KIAA1671: variants seen among roughly 807,000 people sequenced by gnomAD.
KIAA1671 encodes the protein KIAA1671, also known as uncharacterized protein KIAA1671.
Under a neutral mutation model 131.2 loss-of-function variants are expected in KIAA1671, and 52 were observed. That is an observed-to-expected ratio of 0.40 (90% CI 0.32 to 0.50). The LOEUF is 0.50. KIAA1671 is among the 20% of genes least tolerant of loss of function. KIAA1671 has a pLI of 0.73. For synonymous variants in KIAA1671, 1,003 were observed against 961.6 expected (o/e 1.04, Z -0.80); for missense variants, 2,360 against 2,364.2 (o/e 1.00, Z 0.04).
chr22:25,134,376 A>ATG (rs149493847), intron 6 of KIAA1671, among the ~76,000 whole-genome samples: 108 of 150,522 alleles, frequency 7.2e-4, no homozygotes, highest in South Asian at 6.7e-3. Context: ...TGGTATTGGT[A>ATG]TGTGTGTGTG....
At chr22:25,003,810 C>T (rs1305370686) in intron 1 of KIAA1671, among the ~76,000 whole-genome samples, 1 of 151,764 alleles carries the variant, frequency 6.6e-6, no homozygotes, top group Admixed American at 6.6e-5. Flanking sequence ...CCATGTGCAT[C>T]TATATCAAAT....
At chr22:24,994,077 C>T (rs9624693) in intron 1 of KIAA1671, among the ~76,000 whole-genome samples, 46,872 of 151,540 alleles carry the variant, frequency 0.31, 7,638 homozygotes, top group African/African-American at 0.37. Flanking sequence ...ACAAAACTCC[C>T]GTCTCAGAAG....
intron 6 of KIAA1671, among the ~76,000 whole-genome samples, chr22:25,098,668 G>T (rs1930505977): frequency 6.6e-6 from 1 of 152,068 alleles, no homozygotes; most frequent in Non-Finnish European, 1.5e-5. Context: ...GATGCCAGGG[G>T]CTCTGGAAGA....
chr22:25,121,461 CAAAAA>C (rs374457851), intron 6 of KIAA1671, among the ~76,000 whole-genome samples: 3 of 61,330 alleles, frequency 4.9e-5, no homozygotes, highest in Non-Finnish European at 6.9e-5. Flanking sequence ...GACTCCATCT[CAAAAA>C]AAAAAAAAAA....
At chr22:25,149,694 G>A (rs949568483) in intron 6 of KIAA1671, among the ~76,000 whole-genome samples, 1 of 152,286 alleles carries the variant, frequency 6.6e-6, no homozygotes, top group East Asian at 1.9e-4. Context: ...CCTGGACAGT[G>A]GTGGTGGTCT....
At chr22:24,999,711 C>T (rs1324494871) in intron 1 of KIAA1671, among the ~76,000 whole-genome samples, 1 of 145,912 alleles carries the variant, frequency 6.9e-6, no homozygotes, top group Non-Finnish European at 1.5e-5. Flanking sequence ...TACAGGCATG[C>T]ACCACTATGC....
intron 6 of KIAA1671, among the ~76,000 whole-genome samples, chr22:25,115,468 C>CA (rs1568964302): frequency 1.3e-5 from 2 of 152,170 alleles, no homozygotes; most frequent in Non-Finnish European, 2.9e-5. Context: ...TCATCTGAAA[C>CA]ATGGAGATTC....
rs1308086300 is a variant in KIAA1671 at position 25,038,891 on chromosome 22, T to C, written c.1761T>C (p.Gly587=). 4.5e-6 allele frequency: 7 copies of C among 1,551,578 alleles called. No individual in the cohort carries two copies. The Admixed American group carries it at 1.4e-4, about 30-fold the overall frequency. ...SSNQDPDSCR[G]GSSVEAPCPS... is the part of the protein sequence containing the mutation. ...ACCAAGACCCCGACAGCTGTCGCGG[T>C]GGAAGCTCAGTGGAGGCCCCGTGCC... is the stretch of plus-strand genomic sequence containing the variant. The change falls in exon 5 of 13, where the codon GGT becomes GGC. Residue 587 remains glycine, a synonymous_variant. Coordinates refer to ENST00000358431, the MANE Select transcript of KIAA1671 (RefSeq NM_001145206.2).
At chr22:25,120,781 GTTTTGTATGTC>G (rs1285530340) in intron 6 of KIAA1671, among the ~76,000 whole-genome samples, 1 of 152,132 alleles carries the variant, frequency 6.6e-6, no homozygotes, top group East Asian at 1.9e-4. Context: ...AAATGTGAAA[GTTTTGTATGTC>G]TTTATGACAC....
chr22:24,971,470 TC>T (rs1922611973), intron 1 of KIAA1671, among the ~76,000 whole-genome samples: 1 of 149,408 alleles, frequency 6.7e-6, no homozygotes, highest in South Asian at 2.1e-4. Context: ...TGAGAAAAGC[TC>T]CTTGTTTTTC....
At position 25,093,737 on chromosome 22, in the gene KIAA1671, A is replaced by ACTCTCTCT. The variant is rs1326086246; in HGVS notation, c.4530+44396_4530+44403dup. 1.7e-3 allele frequency among the ~76,000 whole-genome samples: 51 copies of ACTCTCTCT among 30,138 alleles called. 1 individual carries two copies. Among genetic ancestry groups the ACTCTCTCT allele is most frequent in the Middle Eastern group, 0.019 (1 of 52 alleles). The allele number at this position is 30,138 out of a possible 152,430, so 19.8% of individuals were successfully genotyped here. On this transcript the variant is annotated intron_variant, in intron 6 of 12. Transcript: ENST00000358431. ...CACACACACACACACACACACACAC[A>ACTCTCTCT]CTCTCTCTCTCTCTCTCTCTCTCTC...
At chr22:25,131,132 G>A (rs1932422474) in intron 6 of KIAA1671, among the ~76,000 whole-genome samples, 1 of 152,182 alleles carries the variant, frequency 6.6e-6, no homozygotes, top group Non-Finnish European at 1.5e-5. Context: ...AAGAGACTGG[G>A]CTTCCAACTC....
At chr22:25,077,161 C>T (rs1448284140) in intron 6 of KIAA1671, among the ~76,000 whole-genome samples, 3 of 152,176 alleles carry the variant, frequency 2.0e-5, no homozygotes, top group Admixed American at 1.3e-4. Flanking sequence ...GAATGTGGCA[C>T]TAGGCGAGGC....
rs571381011 is a variant in KIAA1671 at position 25,000,044 on chromosome 22, C to G, written c.-207-25589C>G. Among the ~76,000 whole-genome samples the G allele has an allele frequency of 6.7e-4, 102 of 151,940 alleles. 1 individual carries two copies. Among genetic ancestry groups the G allele is most frequent in the African/African-American group, 1.9e-3 (80 of 41,400 alleles). On this transcript the variant is annotated intron_variant, in intron 1 of 12. Transcript: ENST00000358431. ...GGTCTATAGGTGCCTGCCACCACGC[C>G]CAGCTAATTTTTTGTATTTTAGTAG...
chr22:25,045,062 G>A (rs1352477830), intron 5 of KIAA1671, among the ~76,000 whole-genome samples: 2 of 136,336 alleles, frequency 1.5e-5, no homozygotes, highest in Admixed American at 1.4e-4. Context: ...TCCGGAGGCT[G>A]AGGCAGGAGA....
chr22:25,144,999 G>T (rs987502768), intron 6 of KIAA1671, among the ~76,000 whole-genome samples: 7 of 152,206 alleles, frequency 4.6e-5, no homozygotes, highest in African/African-American at 1.4e-4. Context: ...TGCTCTCAGA[G>T]TCCTTGACTA....
chr22:25,038,619 T>G, intron 4 of KIAA1671, 141 bp from the exon 5 acceptor site: 1 of 907,196 alleles, frequency 1.1e-6, no homozygotes, highest in Non-Finnish European at 1.6e-6. Context: ...TCACCCACAC[T>G]GGGTGTGTTC....
At chr22:25,024,434 GGGT>G (rs1925826981) in intron 1 of KIAA1671, 2 of 152,266 alleles carry the variant, frequency 1.3e-5, no homozygotes, top group African/African-American at 4.8e-5. Context: ...AGAGGTCTTT[GGGT>G]GAGGGTTGGT....
At chr22:25,015,558 G>A (rs1925265938) in intron 1 of KIAA1671, among the ~76,000 whole-genome samples, 1 of 152,158 alleles carries the variant, frequency 6.6e-6, no homozygotes, top group Admixed American at 6.5e-5. Context: ...AGCTGCACTT[G>A]GACAAGCGGC....
Sources: allele counts gnomAD v4.1 joint callset (sites outside exome capture counted in the v4.1 genomes callset), GRCh38; gene constraint gnomAD v4.1.1; transcripts MANE v1.5; gene names NCBI Gene and HGNC (gene_info 2026-07-23, HGNC 2026-07-21).